The following NEK1 variants were observed in gnomAD, a reference collection of about 807,000 sequenced individuals.
The protein encoded by NEK1 is serine/threonine-protein kinase Nek1.
In NEK1, 137 loss-of-function variants were observed where a neutral mutation model predicts 182.1. That is an observed-to-expected ratio of 0.75 (90% confidence interval 0.65 to 0.87). The LOEUF (loss-of-function observed/expected upper bound fraction) is 0.87. Ranked by LOEUF, NEK1 falls within the 40% of genes least tolerant of loss-of-function variation. NEK1 has a pLI of 0.00. For synonymous variants in NEK1, 513 were observed against 492.2 expected, an observed-to-expected ratio of 1.04 and a Z score of -0.56; for missense variants, 1,391 against 1,494.4, an observed-to-expected ratio of 0.93 and a Z score of 1.14.
At position 169,584,748 on chromosome 4, in the gene NEK1, A is replaced by G. The variant is rs1196882542; in HGVS notation, c.807+601T>C. Among the ~76,000 whole-genome samples the G allele has an allele frequency of 2.0e-5, 3 of 152,378 alleles. No homozygotes were observed. The South Asian group carries it at 6.2e-4, about 32-fold the overall frequency. ...TATTATCACTTTTAATTCTCACAAT[A>G]ACCTTATAGATACATTTAATAATCC... On this transcript the variant is annotated intron_variant, in intron 10 of 35. Transcript: ENST00000507142.
At chr4:169,566,375 A>C (rs1229056042) in intron 12 of NEK1, among the ~76,000 whole-genome samples, 1 of 152,234 alleles carries the variant, frequency 6.6e-6, no homozygotes, top group African/African-American at 2.4e-5. Context: ...TTTTCAGAAC[A>C]CTATTTCTAT....
intron 35 of NEK1, among the ~76,000 whole-genome samples, chr4:169,395,594 A>G (rs907689747): frequency 4.6e-5 from 7 of 152,222 alleles, no homozygotes; most frequent in Non-Finnish European, 7.4e-5. Context: ...TATTGCTTCC[A>G]AGGTAACACT....
rs370642647 is a variant in NEK1, at chr4:169,476,631, A to G, written c.2434+493T>C. On this transcript the variant is annotated intron_variant, in intron 26 of 35. Transcript: ENST00000507142. Reference sequence around the variant, plus strand: ...TAGAATGTAAGCTCCACAAGAGCACATATGTTTCTGTTTTGTTCCTATATC... The same window carrying G: ...TAGAATGTAAGCTCCACAAGAGCACGTATGTTTCTGTTTTGTTCCTATATC... Among the ~76,000 whole-genome samples, 12 of 152,248 alleles carry G rather than the reference A, an allele frequency of 7.9e-5. 1 individual carries two copies. The highest frequency in any genetic ancestry group is 2.9e-4 in the African/African-American group (12 of 41,574).
intron 5 of NEK1, among the ~76,000 whole-genome samples, chr4:169,593,273 A>G (rs910168600): frequency 6.6e-6 from 1 of 152,216 alleles, no homozygotes; most frequent in African/African-American, 2.4e-5. Flanking sequence ...CAAGTCTTCC[A>G]TTATAGCATA....
chr4:169,508,632 C>G, intron 20 of NEK1, 137 bp downstream of exon 20: 1 of 596,896 alleles, frequency 1.7e-6, no homozygotes, highest in East Asian at 3.2e-5. Flanking sequence ...GAATGTCAGT[C>G]AAAAATATAT....
At chr4:169,406,824 TCA>T in intron 31 of NEK1, 77 bp from the exon 32 acceptor site, 1 of 1,262,276 alleles carries the variant, frequency 7.9e-7, no homozygotes, top group Non-Finnish European at 1.1e-6. Flanking sequence ...CTAGAACTAA[TCA>T]CAATTTTGTT....
chr4:169,603,981 G>T (rs1487614919), intron 2 of NEK1, among the ~76,000 whole-genome samples: 5 of 152,148 alleles, frequency 3.3e-5, no homozygotes, highest in Non-Finnish European at 7.4e-5. Context: ...GATTAGAGGT[G>T]TGAGCCACCA....
intron 12 of NEK1, chr4:169,576,515 T>G (rs556344300): frequency 1.3e-5 from 2 of 154,842 alleles, no homozygotes; most frequent in Admixed American, 6.4e-5. Flanking sequence ...ATCTGAAATA[T>G]GACAGAGTAG....
intron 19 of NEK1, among the ~76,000 whole-genome samples, chr4:169,519,654 C>T (rs1217069572): frequency 4.2e-5 from 3 of 71,156 alleles, no homozygotes; most frequent in Non-Finnish European, 8.3e-5. Flanking sequence ...CCGGTTGTTC[C>T]TTTCCATGTT....
intron 26 of NEK1, among the ~76,000 whole-genome samples, chr4:169,475,893 C>A (rs1746860150): frequency 1.3e-5 from 2 of 151,938 alleles, no homozygotes. Context: ...GCAATAGAAA[C>A]TATCCACAAT....
At chr4:169,591,144 G>GCACCCC (rs1768417644) in intron 5 of NEK1, among the ~76,000 whole-genome samples, 1 of 134,554 alleles carries the variant, frequency 7.4e-6, no homozygotes, top group African/African-American at 3.1e-5. Flanking sequence ...TTTCTATAAC[G>GCACCCC]CCCCCCCCCC....
chr4:169,477,385 T>C, intron 25 of NEK1, 33 bp from the exon 26 acceptor site: 2 of 1,556,920 alleles, frequency 1.3e-6, no homozygotes, highest in Non-Finnish European at 1.7e-6. Flanking sequence ...TTTTAATATG[T>C]ATATCATTAA....
intron 23 of NEK1, among the ~76,000 whole-genome samples, chr4:169,494,961 T>C (rs1350329499): frequency 6.6e-6 from 1 of 152,178 alleles, no homozygotes; most frequent in Non-Finnish European, 1.5e-5. Flanking sequence ...TTCTTGTAAA[T>C]TTGAGTTCAT....
chr4:169,595,621 T>C (rs1451908634), intron 5 of NEK1, among the ~76,000 whole-genome samples: 1 of 152,038 alleles, frequency 6.6e-6, no homozygotes, highest in African/African-American at 2.4e-5. Context: ...AACCTACTAC[T>C]AAGAAATATA....
chr4:169,530,318 T>C (rs564631057), intron 19 of NEK1, among the ~76,000 whole-genome samples: 20 of 152,366 alleles, frequency 1.3e-4, no homozygotes, highest in South Asian at 6.2e-4. Flanking sequence ...GTTTGACTTA[T>C]GCTTTTTCAA....
intron 9 of NEK1, among the ~76,000 whole-genome samples, chr4:169,587,287 A>C (rs554223425): frequency 5.2e-4 from 79 of 152,030 alleles, no homozygotes; most frequent in Admixed American, 1.2e-3. Context: ...TACAAAATTT[A>C]ACATTAAGAA....
intron 23 of NEK1, among the ~76,000 whole-genome samples, chr4:169,483,244 C>T (rs1410918842): frequency 6.6e-6 from 1 of 152,148 alleles, no homozygotes; most frequent in East Asian, 1.9e-4. Flanking sequence ...AATTTCCCAT[C>T]TTATATGGGT....
At position 169,477,513 on chromosome 4, in the gene NEK1, G is replaced by A. The variant is rs200282009; in HGVS notation, c.2140-16C>T. On this transcript the variant is annotated splice_polypyrimidine_tract_variant and intron_variant, in intron 24 of 35. Coordinates refer to ENST00000507142, the MANE Select transcript of NEK1 (RefSeq NM_001199397.3). Reference sequence around the variant, plus strand: ...AACTACTGTCCTTTAAATGCAGATAGATACAGAGGAAGAGATAATTTTATT... The same window carrying A: ...AACTACTGTCCTTTAAATGCAGATAAATACAGAGGAAGAGATAATTTTATT... 2 of 1,560,004 alleles carry A rather than the reference G, an allele frequency of 1.3e-6. No homozygotes were observed. The highest frequency in any genetic ancestry group is 2.4e-5 in the South Asian group (2 of 84,126).
intron 12 of NEK1, among the ~76,000 whole-genome samples, chr4:169,569,439 CCT>C (rs1242727277): frequency 6.8e-6 from 1 of 147,230 alleles, no homozygotes; most frequent in South Asian, 2.2e-4. Context: ...TCTCCCTCTC[CCT>C]CTCTCCCTCC....
Sources: allele counts gnomAD v4.1 joint callset (sites outside exome capture counted in the v4.1 genomes callset), GRCh38; gene constraint gnomAD v4.1.1; transcripts MANE v1.5; gene names NCBI Gene and HGNC (gene_info 2026-07-23, HGNC 2026-07-21).